CALN1: variants seen among roughly 807,000 people sequenced by gnomAD.
CALN1 encodes calcium-binding protein 8.
In CALN1, 17 loss-of-function variants were observed where a neutral mutation model predicts 30.6. That is an observed-to-expected ratio of 0.56 (90% CI 0.38 to 0.83). The LOEUF (loss-of-function observed/expected upper bound fraction) is 0.83. CALN1 is among the 40% of genes least tolerant of loss of function. The probability of loss-of-function intolerance (pLI) is 0.00; values close to 1 mark genes in which losing one functional copy is unlikely to be tolerated. For missense variants in CALN1, 291 were observed against 354.9 expected (o/e 0.82, Z 1.45); for synonymous variants, 156 against 131.4 (o/e 1.19, Z -1.28).
At chr7:72,266,633 T>C (rs1796614527) in intron 3 of CALN1, among the ~76,000 whole-genome samples, 1 of 152,190 alleles carries the variant, frequency 6.6e-6, no homozygotes, top group South Asian at 2.1e-4. Flanking sequence ...TTATGATGCC[T>C]TGATCGCTTT....
intron 2 of CALN1, among the ~76,000 whole-genome samples, chr7:72,322,246 T>C (rs1359668842): frequency 6.6e-6 from 1 of 152,140 alleles, no homozygotes; most frequent in Non-Finnish European, 1.5e-5. Flanking sequence ...ATCCCTTGCA[T>C]GCACAGTTCA....
intron 2 of CALN1, among the ~76,000 whole-genome samples, chr7:72,369,908 T>C (rs1804119515): frequency 6.6e-6 from 1 of 152,186 alleles, no homozygotes; most frequent in South Asian, 2.1e-4. Flanking sequence ...CTCACTATCA[T>C]AAATAAAGCT....
intron 4 of CALN1, among the ~76,000 whole-genome samples, chr7:72,103,604 G>A (rs1584947901): frequency 1.3e-5 from 2 of 152,078 alleles, no homozygotes; most frequent in East Asian, 3.9e-4. Flanking sequence ...CAGAGAGTTG[G>A]GTAGAAAACA....
chr7:71,879,340 G>A (rs141023170), intron 5 of CALN1, among the ~76,000 whole-genome samples: 2 of 152,288 alleles, frequency 1.3e-5, no homozygotes, highest in East Asian at 1.9e-4. Context: ...ACCCTAGATA[G>A]AATGGTCTGG....
chr7:72,373,756 A>G (rs1804385107), intron 2 of CALN1, among the ~76,000 whole-genome samples: 1 of 152,246 alleles, frequency 6.6e-6, no homozygotes, highest in Non-Finnish European at 1.5e-5. Flanking sequence ...ATGTAAATCT[A>G]TGGATTCAGT....
intron 5 of CALN1, among the ~76,000 whole-genome samples, chr7:71,902,542 A>C (rs1251583879): frequency 6.6e-6 from 1 of 152,210 alleles, no homozygotes; most frequent in Non-Finnish European, 1.5e-5. Context: ...GTTGGTGGGA[A>C]TCTAAATTCA....
chr7:72,087,810 A>G (rs572254050), intron 4 of CALN1, among the ~76,000 whole-genome samples: 1 of 152,188 alleles, frequency 6.6e-6, no homozygotes, highest in Non-Finnish European at 1.5e-5. Flanking sequence ...TGTGGAGCAA[A>G]AGCAAAAAAC....
intron 5 of CALN1, among the ~76,000 whole-genome samples, chr7:71,898,450 C>T (rs887566495): frequency 6.6e-6 from 1 of 152,090 alleles, no homozygotes; most frequent in Non-Finnish European, 1.5e-5. Context: ...AAAATGAATA[C>T]TCCTGAATGA....
At chr7:72,370,123 C>G (rs1804138006) in intron 2 of CALN1, among the ~76,000 whole-genome samples, 1 of 152,148 alleles carries the variant, frequency 6.6e-6, no homozygotes, top group Non-Finnish European at 1.5e-5. Context: ...ACATTGTCAC[C>G]AGAACTTGGT....
At chr7:72,068,861 G>GA (rs1804203961) in intron 4 of CALN1, among the ~76,000 whole-genome samples, 1 of 152,042 alleles carries the variant, frequency 6.6e-6, no homozygotes, top group Non-Finnish European at 1.5e-5. Context: ...GATGATTAAA[G>GA]AAAAAATCTC....
At chr7:72,401,089 G>C (rs923207239) in intron 2 of CALN1, among the ~76,000 whole-genome samples, 1 of 152,120 alleles carries the variant, frequency 6.6e-6, no homozygotes, top group African/African-American at 2.4e-5. Context: ...GTGTCAACAT[G>C]CTTCTCTCAA....
At chr7:72,398,550 G>C (rs1216802665) in intron 2 of CALN1, among the ~76,000 whole-genome samples, 1 of 152,184 alleles carries the variant, frequency 6.6e-6, no homozygotes, top group African/African-American at 2.4e-5. Flanking sequence ...ATAGTGGTAG[G>C]GTTATTTAGC....
intron 2 of CALN1, among the ~76,000 whole-genome samples, chr7:72,297,797 G>T (rs1291037851): frequency 6.6e-6 from 1 of 152,140 alleles, no homozygotes; most frequent in African/African-American, 2.4e-5. Context: ...GCATGCCAAG[G>T]TTTTTGCTGA....
intron 5 of CALN1, among the ~76,000 whole-genome samples, chr7:71,972,687 C>A (rs1419883991): frequency 1.3e-5 from 2 of 152,182 alleles, no homozygotes; most frequent in Admixed American, 1.3e-4. Context: ...GAGCCACTCT[C>A]TGTTGATTAC....
intron 6 of CALN1, among the ~76,000 whole-genome samples, chr7:71,806,128 T>C (rs1028288123): frequency 1.3e-5 from 2 of 152,246 alleles, no homozygotes; most frequent in East Asian, 1.9e-4. Context: ...AATGGGTTGA[T>C]AGGTGCTGCA....
chr7:72,009,824 T>C (rs1258003359), intron 5 of CALN1, among the ~76,000 whole-genome samples: 2 of 152,334 alleles, frequency 1.3e-5, no homozygotes, highest in East Asian at 3.9e-4. Flanking sequence ...GCCATGATTG[T>C]GAGGCCTCCC....
At chr7:71,941,852 T>C (rs528070171) in intron 5 of CALN1, among the ~76,000 whole-genome samples, 2 of 152,156 alleles carry the variant, frequency 1.3e-5, no homozygotes, top group Admixed American at 1.3e-4. Flanking sequence ...TATTAGAATG[T>C]TTGGGGATTA....
intron 3 of CALN1, among the ~76,000 whole-genome samples, chr7:72,141,680 T>C (rs572131176): frequency 8.2e-4 from 125 of 152,270 alleles, no homozygotes; most frequent in Non-Finnish European, 1.3e-3. Context: ...GCGATTCTCC[T>C]GCTTCAGCCT....
the CALN1 span, among the ~76,000 whole-genome samples, chr7:72,474,699 A>C: frequency 1.6e-3 from 248 of 150,846 alleles, 1 homozygote; most frequent in Non-Finnish European, 2.8e-3. Context: ...AAAAAAAAAA[A>C]TCCAGCAGAG....
Sources: gnomAD v4.1 joint callset for allele counts (sites outside exome capture counted in the v4.1 genomes callset) on GRCh38, gnomAD v4.1.1 for gene constraint, MANE v1.5 for transcripts, NCBI Gene and HGNC (gene_info 2026-07-23, HGNC 2026-07-21) for gene names.